The following OPCML variants were observed in gnomAD, a reference collection of about 807,000 sequenced individuals.
OPCML encodes the protein opioid-binding protein/cell adhesion molecule.
A neutral mutation model predicts 37.8 loss-of-function variants in OPCML; 13 were observed. The observed-to-expected ratio is 0.34, with a 90% CI of 0.22 to 0.55. The LOEUF is 0.55. Ranked by LOEUF, OPCML falls within the 20% of genes least tolerant of loss-of-function variation. OPCML has a pLI of 0.91. For missense variants in OPCML, 341 were observed against 435.6 expected (o/e 0.78, Z 1.93); for synonymous variants, 176 against 168.8 (o/e 1.04, Z -0.33).
At chr11:133,029,860 A>AT (rs1385142081) in intron 1 of OPCML, among the ~76,000 whole-genome samples, 7 of 1,394 alleles carry the variant, frequency 5.0e-3, no homozygotes, top group South Asian at 0.048. Context: ...TGAATCTAAA[A>AT]TTTAAAAAAA....
intron 2 of OPCML, among the ~76,000 whole-genome samples, chr11:132,886,899 G>T (rs143530947): frequency 6.6e-6 from 1 of 152,106 alleles, no homozygotes; most frequent in African/African-American, 2.4e-5. Context: ...TGCCCCGCTC[G>T]CAGAATGCCA....
intron 1 of OPCML, chr11:133,008,109 T>C: frequency 2.0e-6 from 2 of 985,470 alleles, no homozygotes; most frequent in Non-Finnish European, 2.4e-6. Flanking sequence ...CCTTCTACTA[T>C]GGATCTTCAG....
At chr11:132,479,428 G>T (rs1239163459) in intron 4 of OPCML, among the ~76,000 whole-genome samples, 1 of 152,218 alleles carries the variant, frequency 6.6e-6, no homozygotes, top group Non-Finnish European at 1.5e-5. Context: ...CAAACTGCAA[G>T]GCAGCAGCGA....
intron 1 of OPCML, chr11:133,024,672 T>C (rs1479513263): frequency 1.2e-6 from 1 of 856,096 alleles, no homozygotes; most frequent in Non-Finnish European, 1.4e-6. Context: ...GTGAAGATGT[T>C]TGGTCTATGA....
At chr11:132,695,465 T>C (rs1287707233) in intron 2 of OPCML, among the ~76,000 whole-genome samples, 1 of 152,176 alleles carries the variant, frequency 6.6e-6, no homozygotes, top group Non-Finnish European at 1.5e-5. Flanking sequence ...GGGCTGAGCA[T>C]GAGAGCTTAT....
intron 4 of OPCML, among the ~76,000 whole-genome samples, chr11:132,488,973 C>A (rs571014357): frequency 7.2e-5 from 11 of 152,320 alleles, no homozygotes; most frequent in Middle Eastern, 3.4e-3. Context: ...GGACAGCCAG[C>A]TGGTGACCAA....
intron 2 of OPCML, among the ~76,000 whole-genome samples, chr11:132,890,276 C>A (rs945381508): frequency 6.6e-6 from 1 of 152,176 alleles, no homozygotes; most frequent in Non-Finnish European, 1.5e-5. Flanking sequence ...CTGACAATAT[C>A]TTTCTTCACC....
intron 1 of OPCML, among the ~76,000 whole-genome samples, chr11:133,093,223 C>G (rs1014271819): frequency 2.6e-5 from 4 of 151,252 alleles, no homozygotes; most frequent in Non-Finnish European, 5.9e-5. Flanking sequence ...CCTTGCCAAC[C>G]CCCCCAACCT....
At chr11:132,971,095 A>C (rs1164080597) in intron 1 of OPCML, among the ~76,000 whole-genome samples, 1 of 152,200 alleles carries the variant, frequency 6.6e-6, no homozygotes, top group Non-Finnish European at 1.5e-5. Flanking sequence ...GACTGTCACA[A>C]AGAAGCCTTT....
chr11:133,338,226 T>A (rs914430450), intron 1 of OPCML, among the ~76,000 whole-genome samples: 3 of 152,154 alleles, frequency 2.0e-5, no homozygotes, highest in African/African-American at 4.8e-5. Context: ...AGACACTTAA[T>A]TCATCTCAGA....
intron 2 of OPCML, among the ~76,000 whole-genome samples, chr11:132,907,032 C>T (rs1944265542): frequency 1.3e-5 from 2 of 152,188 alleles, no homozygotes; most frequent in Non-Finnish European, 2.9e-5. Flanking sequence ...CTATCCTGAC[C>T]ATGAAAATCT....
Position 133,141,038 on chromosome 11 carries a change from AC to A in OPCML, c.62-198029del, listed in dbSNP as rs1949808112. On this transcript the variant is annotated intron_variant, in intron 1 of 7. Coordinates refer to ENST00000524381, the MANE Select transcript of OPCML (RefSeq NM_001012393.5). ...GACGACGACGACGACGACGACGACG[AC>A]GACGACGACGAAGAAGAAGAAGAAG... Among the ~76,000 whole-genome samples, 5 of 29,298 alleles carry A rather than the reference AC, an allele frequency of 1.7e-4. 1 individual carries two copies. The highest frequency in any genetic ancestry group is 3.1e-4 in the African/African-American group (5 of 16,060). 19.2% of individuals were successfully genotyped at this position (29,298 alleles called of 152,430 possible).
At chr11:133,424,305 C>A (rs768490157) in intron 1 of OPCML, among the ~76,000 whole-genome samples, 13 of 152,100 alleles carry the variant, frequency 8.5e-5, no homozygotes, top group Non-Finnish European at 1.8e-4. Context: ...GGCATCTACA[C>A]CACCCTTTCA....
intron 2 of OPCML, among the ~76,000 whole-genome samples, chr11:132,927,517 A>T (rs1183635909): frequency 6.6e-6 from 1 of 152,148 alleles, no homozygotes; most frequent in African/African-American, 2.4e-5. Flanking sequence ...AGACATCCCC[A>T]TATAAACAAA....
intron 1 of OPCML, among the ~76,000 whole-genome samples, chr11:133,176,193 G>A (rs1014386842): frequency 1.3e-5 from 2 of 152,162 alleles, no homozygotes; most frequent in South Asian, 2.1e-4. Context: ...GGAATTTAAA[G>A]AGAGCAAGGT....
At chr11:133,230,268 A>T (rs539682533) in intron 1 of OPCML, among the ~76,000 whole-genome samples, 1 of 152,200 alleles carries the variant, frequency 6.6e-6, no homozygotes, top group Non-Finnish European at 1.5e-5. Context: ...TCATGGTGTC[A>T]TGAAGCGTGG....
intron 1 of OPCML, among the ~76,000 whole-genome samples, chr11:133,049,276 T>A (rs1948084190): frequency 6.6e-6 from 1 of 152,176 alleles, no homozygotes; most frequent in African/African-American, 2.4e-5. Flanking sequence ...TCAGGTCAGT[T>A]CCTATTGCTT....
At chr11:133,461,337 C>G (rs1946853763) in intron 1 of OPCML, among the ~76,000 whole-genome samples, 1 of 151,988 alleles carries the variant, frequency 6.6e-6, no homozygotes, top group South Asian at 2.1e-4. Context: ...AAATGTCACA[C>G]ATATGCACCC....
intron 1 of OPCML, among the ~76,000 whole-genome samples, chr11:133,133,389 T>C (rs1379177423): frequency 2.0e-5 from 3 of 152,220 alleles, no homozygotes; most frequent in African/African-American, 7.2e-5. Flanking sequence ...ATTTTCTTAC[T>C]GTCAGCTGCT....
Sources: allele counts gnomAD v4.1 joint callset (sites outside exome capture counted in the v4.1 genomes callset), GRCh38; gene constraint gnomAD v4.1.1; transcripts MANE v1.5; gene names NCBI Gene and HGNC (gene_info 2026-07-23, HGNC 2026-07-21).